LVRN: variants seen among roughly 807,000 people sequenced by gnomAD.
LVRN encodes the protein aminopeptidase Q.
A neutral mutation model predicts 111.4 loss-of-function variants in LVRN; 99 were observed. The ratio of observed to expected loss-of-function variants is 0.89; its 90% CI spans 0.76 to 1.05. LVRN has a LOEUF of 1.05. Ranked by LOEUF, LVRN falls within the 50% of genes least tolerant of loss-of-function variation. The probability of loss-of-function intolerance (pLI) is 0.00; values close to 1 mark genes in which losing one functional copy is unlikely to be tolerated. For synonymous variants in LVRN, 488 were observed against 449.5 expected, an observed-to-expected ratio of 1.09 and a Z score of -1.08; for missense variants, 1,414 against 1,206.8, an observed-to-expected ratio of 1.17 and a Z score of -2.54.
chr5:115,984,344 ATCAAGTCTATATTAT>A, intron 2 of LVRN, among the ~76,000 whole-genome samples: 1 of 152,194 alleles, frequency 6.6e-6, no homozygotes, highest in African/African-American at 2.4e-5. Flanking sequence ...TTGGCCCTCA[ATCAAGTCTATATTAT>A]TCAAAATGCT....
intron 1 of LVRN, among the ~76,000 whole-genome samples, chr5:115,978,574 A>G (rs767182096): frequency 2.0e-5 from 3 of 152,132 alleles, no homozygotes; most frequent in African/African-American, 4.8e-5. Context: ...TTAGATGAGA[A>G]AATTAGAAAA....
chr5:115,966,602 C>T (rs2112546566), intron 1 of LVRN, among the ~76,000 whole-genome samples: 1 of 152,312 alleles, frequency 6.6e-6, no homozygotes, highest in Admixed American at 6.5e-5. Context: ...CCTACCTTTG[C>T]CTCCCAAAGC....
chr5:115,993,451 T>C (rs1748038560), intron 5 of LVRN, among the ~76,000 whole-genome samples: 1 of 152,210 alleles, frequency 6.6e-6, no homozygotes, highest in African/African-American at 2.4e-5. Flanking sequence ...AAGTGGACAG[T>C]TTAAGAAATG....
rs1282668583 is a variant in LVRN at position 116,027,312 on chromosome 5, A to G, written c.*1194A>G. ...TTAAAGATTAAGGAGTATGACATCAATTAACAGTCTTTAAAGATGTTACAT... is the reference window on the plus strand; with the variant it reads ...TTAAAGATTAAGGAGTATGACATCAGTTAACAGTCTTTAAAGATGTTACAT... On this transcript the variant is annotated 3_prime_UTR_variant, in exon 20 of 20. Coordinates refer to ENST00000357872, the MANE Select transcript of LVRN (RefSeq NM_173800.5). 6.6e-6 allele frequency: 1 copy of G among 152,232 alleles called. No homozygotes were observed. The highest frequency in any genetic ancestry group is 1.5e-5 in the Non-Finnish European group (1 of 68,036). 9.4% of individuals were successfully genotyped at this position (152,232 alleles called of 1,614,324 possible). A position where few individuals can be genotyped will look rare whatever the true frequency, so the allele number is the denominator to read the frequency against.
intron 1 of LVRN, among the ~76,000 whole-genome samples, chr5:115,966,501 T>C (rs191671207): frequency 6.6e-6 from 1 of 152,230 alleles, no homozygotes; most frequent in Non-Finnish European, 1.5e-5. Context: ...AAATCTTCTA[T>C]GAATAATTGT....
chr5:115,988,345 TTA>T (rs1179296483), intron 4 of LVRN, among the ~76,000 whole-genome samples: 32 of 151,724 alleles, frequency 2.1e-4, no homozygotes, highest in African/African-American at 7.8e-4. Context: ...TTTTTTTTTT[TTA>T]AATATCCATT....
chr5:116,001,014 C>G, intron 9 of LVRN, 53 bp from the exon 10 acceptor site: 1 of 1,534,870 alleles, frequency 6.5e-7, no homozygotes, highest in Non-Finnish European at 8.7e-7. Flanking sequence ...ATTGCTACTT[C>G]AAAATGTTTC....
chr5:115,999,675 C>G, intron 6 of LVRN, 87 bp from the exon 7 acceptor site: 1 of 1,407,244 alleles, frequency 7.1e-7, no homozygotes, highest in Non-Finnish European at 9.8e-7. Context: ...TCTTCAATAT[C>G]AGTTTTTGAA....
intron 1 of LVRN, among the ~76,000 whole-genome samples, chr5:115,972,233 AAAGAC>A (rs1383235948): frequency 6.6e-6 from 1 of 152,044 alleles, no homozygotes; most frequent in Non-Finnish European, 1.5e-5. Flanking sequence ...AAAAGAATAC[AAAGAC>A]AAGCCACAAC....
chr5:116,013,912 G>A (rs1418375560), intron 15 of LVRN, among the ~76,000 whole-genome samples: 1 of 152,124 alleles, frequency 6.6e-6, no homozygotes, highest in African/African-American at 2.4e-5. Context: ...TCCTGAACAT[G>A]TATGTAACAG....
intron 7 of LVRN, 43 bp downstream of exon 7, chr5:115,999,945 G>GA (rs747652552): frequency 1.3e-6 from 2 of 1,567,368 alleles, no homozygotes; most frequent in Non-Finnish European, 1.7e-6. Context: ...TACTCTGGTA[G>GA]AAAGTTGCAT....
In LVRN at chr5:116,000,459, T is replaced by C. The variant is rs1748214348; in HGVS notation, c.1542T>C (p.Ser514=). The change falls in exon 8 of 20, where the codon TCT becomes TCC. Residue 514 remains serine, a synonymous_variant. Coordinates refer to ENST00000357872, the MANE Select transcript of LVRN (RefSeq NM_173800.5). The stretch of plus-strand genomic sequence containing the variant: ...GAGCGTCTATGGCCCGGATGCTTTC[T>C]TGTTTCTTGAATGAGCATTTATTTG... ...SKGASMARML[S]CFLNEHLFVS... is the part of the protein sequence containing the mutation. 6.2e-7 allele frequency: 1 copy of C among 1,614,082 alleles called. No individual in the cohort carries two copies. The highest frequency in any genetic ancestry group is 8.5e-7 in the Non-Finnish European group (1 of 1,180,032).
chr5:115,968,970 A>G (rs1170535639), intron 1 of LVRN, among the ~76,000 whole-genome samples: 2 of 152,186 alleles, frequency 1.3e-5, no homozygotes, highest in Admixed American at 1.3e-4. Context: ...CATTCAAGCA[A>G]TAGCCCAGAT....
In LVRN at chr5:115,988,090, T is replaced by G. The variant is rs573998447; in HGVS notation, c.1105+151T>G. The G allele has an allele frequency of 1.9e-4, 199 of 1,034,220 alleles. 2 individuals are homozygous for G. In the African/African-American group the frequency reaches 3.0e-3, roughly 15 times the overall value. 64.1% of individuals were successfully genotyped at this position (1,034,220 alleles called of 1,614,324 possible). A position where few individuals can be genotyped will look rare whatever the true frequency, so the allele number is the denominator to read the frequency against. On this transcript the variant is annotated intron_variant, in intron 4 of 19. Coordinates refer to ENST00000357872, the MANE Select transcript of LVRN (RefSeq NM_173800.5). ...AGCCTCCTGACCTATGCCTTATACC[T>G]TCTGAAACACACAGAGGCTCACCTG...
intron 15 of LVRN, among the ~76,000 whole-genome samples, chr5:116,013,560 G>C (rs1187915085): frequency 2.0e-5 from 3 of 152,080 alleles, no homozygotes; most frequent in Non-Finnish European, 4.4e-5. Flanking sequence ...GGTGAGGAGA[G>C]GGGGTGAGTA....
chr5:115,984,433 G>C (rs1747802509), intron 2 of LVRN, 137 bp from the exon 3 acceptor site: 1 of 1,049,144 alleles, frequency 9.5e-7, no homozygotes, highest in East Asian at 2.6e-5. Flanking sequence ...TTAGGAGTAG[G>C]TGGAGAAATC....
At chr5:115,990,256 C>G (rs1244569590) in intron 4 of LVRN, among the ~76,000 whole-genome samples, 1 of 152,150 alleles carries the variant, frequency 6.6e-6, no homozygotes, top group Non-Finnish European at 1.5e-5. Flanking sequence ...GACACTTTCC[C>G]TGTAGGCTAT....
chr5:115,994,522 C>G (rs150345096), intron 6 of LVRN, among the ~76,000 whole-genome samples: 175 of 152,342 alleles, frequency 1.1e-3, no homozygotes, highest in Admixed American at 3.4e-3. Flanking sequence ...ATCCACCAGC[C>G]TCGGCCTCCC....
At position 115,963,328 on chromosome 5, in the gene LVRN, C is replaced by T. The variant is rs773966320; in HGVS notation, c.695+16C>T. On this transcript the variant is annotated intron_variant, in intron 1 of 19. Coordinates refer to ENST00000357872, the MANE Select transcript of LVRN (RefSeq NM_173800.5). The stretch of plus-strand genomic sequence containing the variant: ...GCGAGCGCAGGTAAGGGCTGTACAG[C>T]CCGGGGCCCCTCTCGGCCCCCGCCC... 6.4e-7 allele frequency: 1 copy of T among 1,553,516 alleles called. No individual in the cohort carries two copies. The highest frequency in any genetic ancestry group is 8.7e-7 in the Non-Finnish European group (1 of 1,148,866).
Sources: allele counts gnomAD v4.1 joint callset (sites outside exome capture counted in the v4.1 genomes callset), GRCh38; gene constraint gnomAD v4.1.1; transcripts MANE v1.5; gene names NCBI Gene and HGNC (gene_info 2026-07-23, HGNC 2026-07-21).